Variants in GMDS observed in about 807,000 individuals in gnomAD.
GMDS encodes the protein GDP-mannose 4,6-dehydratase.
A neutral mutation model predicts 49.9 loss-of-function variants in GMDS; 20 were observed. The ratio of observed to expected loss-of-function variants is 0.40; its 90% confidence interval spans 0.28 to 0.58. The LOEUF is 0.58. Among genes scored for constraint, GMDS ranks in the 20% least tolerant of loss-of-function variants. The pLI, the probability that GMDS is intolerant of heterozygous loss-of-function variation, is 0.42. For missense variants in GMDS, 362 were observed against 481.4 expected, an observed-to-expected ratio of 0.75 and a Z score of 2.32; for synonymous variants, 177 against 178.6, an observed-to-expected ratio of 0.99 and a Z score of 0.07.
At chr6:1,949,550 C>T (rs1185472139) in intron 6 of GMDS, among the ~76,000 whole-genome samples, 2 of 152,228 alleles carry the variant, frequency 1.3e-5, no homozygotes, top group African/African-American at 4.8e-5. Context: ...TGGTAATCAG[C>T]ACCTGCATTA....
intron 7 of GMDS, among the ~76,000 whole-genome samples, chr6:1,903,598 T>C (rs1760609995): frequency 1.3e-5 from 2 of 152,208 alleles, no homozygotes; most frequent in Admixed American, 6.5e-5. Flanking sequence ...ATGAAACCTC[T>C]TTACTTGGTT....
intron 4 of GMDS, among the ~76,000 whole-genome samples, chr6:1,989,220 T>C (rs1162782865): frequency 2.0e-5 from 3 of 152,140 alleles, no homozygotes; most frequent in Non-Finnish European, 2.9e-5. Context: ...AGAAAAGAAG[T>C]AGATAGGGCT....
chr6:1,885,918 C>G (rs1216273340), intron 7 of GMDS, among the ~76,000 whole-genome samples: 1 of 152,154 alleles, frequency 6.6e-6, no homozygotes, highest in Non-Finnish European at 1.5e-5. Flanking sequence ...CTGACACAGA[C>G]TGAGTGGTTC....
chr6:2,184,120 AGG>A (rs1778673374), intron 1 of GMDS, among the ~76,000 whole-genome samples: 1 of 152,160 alleles, frequency 6.6e-6, no homozygotes, highest in Non-Finnish European at 1.5e-5. Flanking sequence ...AATATCTCAG[AGG>A]TATGCCTGTA....
intron 9 of GMDS, among the ~76,000 whole-genome samples, chr6:1,677,307 G>A (rs188536476): frequency 3.9e-5 from 6 of 152,266 alleles, no homozygotes; most frequent in Non-Finnish European, 8.8e-5. Context: ...GTGCTGGAGA[G>A]GATGTGGAGA....
chr6:1,957,627 G>A (rs2761239), intron 6 of GMDS, among the ~76,000 whole-genome samples: 89,572 of 151,984 alleles, frequency 0.59, 26,451 homozygotes, highest in East Asian at 0.65. Context: ...GCCTGACGCT[G>A]CAGAACAATA....
intron 6 of GMDS, among the ~76,000 whole-genome samples, chr6:1,952,287 T>TA (rs1763380987): frequency 6.6e-6 from 1 of 152,068 alleles, no homozygotes; most frequent in Admixed American, 6.6e-5. Context: ...TTTTTAAAAT[T>TA]AAAAAATAGA....
intron 9 of GMDS, among the ~76,000 whole-genome samples, chr6:1,700,182 A>G (rs1230395072): frequency 6.6e-6 from 1 of 152,196 alleles, no homozygotes; most frequent in Non-Finnish European, 1.5e-5. Flanking sequence ...TTTAAGGAAA[A>G]GTCTTCATGC....
intron 4 of GMDS, among the ~76,000 whole-genome samples, chr6:1,968,114 C>T (rs1764370953): frequency 6.6e-6 from 1 of 152,186 alleles, no homozygotes; most frequent in African/African-American, 2.4e-5. Context: ...CCTCCAAACT[C>T]ATTATAACTA....
intron 6 of GMDS, among the ~76,000 whole-genome samples, chr6:1,943,103 A>T (rs1169640849): frequency 6.6e-6 from 1 of 152,142 alleles, no homozygotes; most frequent in African/African-American, 2.4e-5. Context: ...CCCCGTCCCC[A>T]GCATCTCCTC....
intron 7 of GMDS, among the ~76,000 whole-genome samples, chr6:1,852,548 C>T (rs1304423941): frequency 2.6e-5 from 4 of 152,140 alleles, no homozygotes; most frequent in African/African-American, 9.7e-5. Flanking sequence ...CCACAAGCTT[C>T]CCCTCCACTA....
intron 4 of GMDS, among the ~76,000 whole-genome samples, chr6:2,058,751 A>C (rs957254132): frequency 6.6e-6 from 1 of 152,184 alleles, no homozygotes; most frequent in African/African-American, 2.4e-5. Flanking sequence ...TGTGAGTCAG[A>C]GCGACGGCTG....
chr6:2,159,790 T>C (rs1289833946), intron 1 of GMDS, among the ~76,000 whole-genome samples: 4 of 152,282 alleles, frequency 2.6e-5, no homozygotes. Flanking sequence ...GTGCTGGGAC[T>C]ACAGGTGTGA....
chr6:2,202,363 A>C (rs1779586212), intron 1 of GMDS, among the ~76,000 whole-genome samples: 1 of 149,946 alleles, frequency 6.7e-6, no homozygotes, highest in African/African-American at 2.5e-5. Context: ...CCATCTAGGC[A>C]GTGAGGGCAG....
intron 7 of GMDS, among the ~76,000 whole-genome samples, chr6:1,819,775 AAATAT>A (rs1291059597): frequency 6.2e-4 from 62 of 99,986 alleles, no homozygotes; most frequent in African/African-American, 1.7e-3. Flanking sequence ...AAAAAAAAAA[AAATAT>A]ATATATATAT....
intron 4 of GMDS, among the ~76,000 whole-genome samples, chr6:1,972,953 C>A (rs1764702404): frequency 6.6e-6 from 1 of 152,134 alleles, no homozygotes; most frequent in Non-Finnish European, 1.5e-5. Flanking sequence ...ATACACTTCA[C>A]CAGATTGCTG....
intron 9 of GMDS, chr6:1,679,392 T>A (rs1456870261): frequency 6.6e-6 from 1 of 152,194 alleles, no homozygotes; most frequent in African/African-American, 2.4e-5. Context: ...GGTGACAACA[T>A]CCTTAAATAA....
At chr6:1,904,591 ATAG>A (rs1165302473) in intron 7 of GMDS, among the ~76,000 whole-genome samples, 1 of 152,226 alleles carries the variant, frequency 6.6e-6, no homozygotes, top group African/African-American at 2.4e-5. Flanking sequence ...GACAGAGCCG[ATAG>A]TAGAGTGCTG....
At chr6:2,130,190 G>A (rs1775654262) in intron 1 of GMDS, among the ~76,000 whole-genome samples, 1 of 145,400 alleles carries the variant, frequency 6.9e-6, no homozygotes, top group South Asian at 2.1e-4. Context: ...AACAAAAATA[G>A]AGCCAATAAT....
Sources: gnomAD v4.1 joint callset for allele counts (sites outside exome capture counted in the v4.1 genomes callset) on GRCh38, gnomAD v4.1.1 for gene constraint, MANE v1.5 for transcripts, NCBI Gene and HGNC (gene_info 2026-07-23, HGNC 2026-07-21) for gene names.